DPP6: variants seen among roughly 807,000 people sequenced by gnomAD.
DPP6 encodes the protein dipeptidyl peptidase like 6.
DPP6 carries 69 observed loss-of-function variants against 122.6 expected under a neutral mutation model. The ratio of observed to expected loss-of-function variants is 0.56; its 90% CI spans 0.46 to 0.69. The LOEUF (loss-of-function observed/expected upper bound fraction) is 0.69. Among genes scored for constraint, DPP6 ranks in the 30% least tolerant of loss-of-function variants. DPP6 has a pLI of 0.00. For missense variants in DPP6, 928 were observed against 1,116.9 expected (o/e 0.83, Z 2.41); for synonymous variants, 418 against 433.1 (o/e 0.97, Z 0.43).
rs78528096 is a variant in DPP6 at position 154,524,697 on chromosome 7, G to A, written c.458-15835G>A. ...GTAAGAGCTTTTTAAGCACCAGCCCGCTTCTACTTACTGATATTCCATTGC... is the reference window on the plus strand; with the variant it reads ...GTAAGAGCTTTTTAAGCACCAGCCCACTTCTACTTACTGATATTCCATTGC... On this transcript the variant is annotated intron_variant, in intron 3 of 25. Transcript: ENST00000377770. 6.4e-3 allele frequency among the ~76,000 whole-genome samples: 968 copies of A among 152,252 alleles called. 9 individuals are homozygous for A. The highest frequency in any genetic ancestry group is 0.021 in the African/African-American group (887 of 41,538).
intron 13 of DPP6, among the ~76,000 whole-genome samples, chr7:154,801,841 C>T (rs987313186): frequency 6.6e-6 from 1 of 152,070 alleles, no homozygotes; most frequent in Non-Finnish European, 1.5e-5. Context: ...CACTCAACAT[C>T]CCTCAGGGGT....
At chr7:154,123,789 A>G (rs1255862279) in intron 1 of DPP6, among the ~76,000 whole-genome samples, 6 of 57,380 alleles carry the variant, frequency 1.0e-4, no homozygotes, top group Admixed American at 3.1e-4. Flanking sequence ...ACCTGGGACA[A>G]ATGTGCCGCT....
chr7:154,506,033 C>T (rs894858348), intron 3 of DPP6, among the ~76,000 whole-genome samples: 6 of 151,842 alleles, frequency 4.0e-5, no homozygotes, highest in Admixed American at 3.3e-4. Context: ...TTTATTGAAT[C>T]ATTTATTAAT....
chr7:154,834,084 G>T (rs930067064), intron 16 of DPP6, among the ~76,000 whole-genome samples: 1 of 152,060 alleles, frequency 6.6e-6, no homozygotes, highest in Non-Finnish European at 1.5e-5. Context: ...CAGGGTGGGC[G>T]GACACTCAGC....
chr7:154,465,233 C>G (rs1821679174), intron 2 of DPP6, among the ~76,000 whole-genome samples: 1 of 152,218 alleles, frequency 6.6e-6, no homozygotes, highest in African/African-American at 2.4e-5. Context: ...TTTCTATGTA[C>G]TAGCAACACA....
At chr7:154,023,318 G>GCACA (rs1554436897) in intron 1 of DPP6, among the ~76,000 whole-genome samples, 19,676 of 129,270 alleles carry the variant, frequency 0.15, 1,712 homozygotes, top group Non-Finnish European at 0.2. Flanking sequence ...TTTCTTGTCT[G>GCACA]CACACACACA....
chr7:154,267,527 C>T (rs28436833), intron 1 of DPP6, among the ~76,000 whole-genome samples: 21,494 of 148,864 alleles, frequency 0.14, 2,097 homozygotes, highest in African/African-American at 0.28. Context: ...CTTATATATG[C>T]GTGTACATAT....
intron 1 of DPP6, among the ~76,000 whole-genome samples, chr7:154,243,284 C>T (rs964389946): frequency 2.6e-5 from 4 of 151,982 alleles, no homozygotes; most frequent in African/African-American, 7.3e-5. Context: ...TCAAGGAAAA[C>T]AACAGTCAAT....
the DPP6 span, among the ~76,000 whole-genome samples, chr7:153,806,973 G>A: frequency 1.3e-3 from 195 of 152,050 alleles, no homozygotes; most frequent in Non-Finnish European, 2.1e-3. Context: ...GGACCCCTCC[G>A]GCCTTTTTTA....
At chr7:154,525,336 A>G (rs938224083) in intron 3 of DPP6, among the ~76,000 whole-genome samples, 5 of 152,138 alleles carry the variant, frequency 3.3e-5, no homozygotes, top group African/African-American at 9.7e-5. Flanking sequence ...TTTTGAAGAG[A>G]CGGAGTCTGG....
intron 1 of DPP6, among the ~76,000 whole-genome samples, chr7:154,374,619 CT>C (rs750521010): frequency 2.2e-5 from 1 of 44,812 alleles, no homozygotes; most frequent in African/African-American, 4.6e-5. Flanking sequence ...TTCTTTTTTT[CT>C]TTTTTTTTGA....
At chr7:154,620,394 A>C (rs1834564906) in intron 5 of DPP6, among the ~76,000 whole-genome samples, 1 of 152,230 alleles carries the variant, frequency 6.6e-6, no homozygotes, top group African/African-American at 2.4e-5. Context: ...TTCCCAACCC[A>C]GGATTAAAAT....
intron 1 of DPP6, among the ~76,000 whole-genome samples, chr7:154,154,009 C>T (rs1796558677): frequency 6.6e-6 from 1 of 152,088 alleles, no homozygotes; most frequent in Non-Finnish European, 1.5e-5. Flanking sequence ...CCTCGATCAG[C>T]CCAAGCATGT....
the DPP6 span, among the ~76,000 whole-genome samples, chr7:153,821,958 G>A: frequency 8.5e-5 from 13 of 152,184 alleles, no homozygotes; most frequent in East Asian, 1.9e-4. Flanking sequence ...GACCTACAGC[G>A]CAAGCCTCTC....
At chr7:154,598,587 G>A (rs564710529) in intron 5 of DPP6, among the ~76,000 whole-genome samples, 16 of 152,310 alleles carry the variant, frequency 1.1e-4, no homozygotes, top group African/African-American at 3.8e-4. Flanking sequence ...TAGACAAAAG[G>A]CTGCAGTTAT....
chr7:154,001,677 T>C (rs1039239243), intron 1 of DPP6, among the ~76,000 whole-genome samples: 20 of 151,918 alleles, frequency 1.3e-4, no homozygotes, highest in African/African-American at 4.4e-4. Flanking sequence ...TTCTAAATAA[T>C]GCTTTATTCT....
chr7:154,380,148 G>A (rs1022650701), intron 1 of DPP6, among the ~76,000 whole-genome samples: 3 of 152,166 alleles, frequency 2.0e-5, no homozygotes, highest in Non-Finnish European at 4.4e-5. Context: ...AAAAATAGAT[G>A]CAAAAGACAT....
At position 154,314,268 on chromosome 7, in the gene DPP6, A is replaced by G. The variant is rs541968950; in HGVS notation, c.244-131946A>G. On this transcript the variant is annotated intron_variant, in intron 1 of 25. Coordinates refer to ENST00000377770, the MANE Select transcript of DPP6 (RefSeq NM_130797.4). The stretch of plus-strand genomic sequence containing the variant: ...CTGTCACGCTGTTGCTGTAAAAAAC[A>G]AAATATAGAAACACGGAATGCTGTT... Among the ~76,000 whole-genome samples the G allele has an allele frequency of 2.6e-5, 4 of 152,310 alleles. No individual in the cohort carries two copies. The South Asian group carries it at 8.3e-4, about 32-fold the overall frequency.
intron 1 of DPP6, among the ~76,000 whole-genome samples, chr7:153,938,760 A>G (rs1051765201): frequency 2.0e-5 from 3 of 152,214 alleles, no homozygotes; most frequent in Admixed American, 6.5e-5. Flanking sequence ...AAAGCAAAGA[A>G]TGGTGGAAAA....
Sources: allele counts gnomAD v4.1 joint callset (sites outside exome capture counted in the v4.1 genomes callset), GRCh38; gene constraint gnomAD v4.1.1; transcripts MANE v1.5; gene names NCBI Gene and HGNC (gene_info 2026-07-23, HGNC 2026-07-21).